Variants in BMPR1B observed in about 807,000 individuals in gnomAD.
BMPR1B encodes the protein bone morphogenetic protein receptor type-1B.
A neutral mutation model predicts 59.1 loss-of-function variants in BMPR1B; 12 were observed. The ratio of observed to expected loss-of-function variants is 0.20; its 90% confidence interval spans 0.13 to 0.33. BMPR1B has a LOEUF of 0.33. BMPR1B is among the 10% of genes least tolerant of loss of function. The pLI is 1.00. For missense variants in BMPR1B, 550 were observed against 610.9 expected (o/e 0.90, Z 1.05); for synonymous variants, 237 against 207.3 (o/e 1.14, Z -1.23).
At chr4:94,925,968 C>A (rs527973948) in intron 2 of BMPR1B, among the ~76,000 whole-genome samples, 1 of 151,394 alleles carries the variant, frequency 6.6e-6, no homozygotes, top group African/African-American at 2.4e-5. Flanking sequence ...TTCCTTCCTC[C>A]CCTCCTCCCT....
chr4:95,020,705 T>C (rs1723921805), intron 3 of BMPR1B, among the ~76,000 whole-genome samples: 1 of 152,200 alleles, frequency 6.6e-6, no homozygotes, highest in Admixed American at 6.5e-5. Context: ...TATTTTGTTA[T>C]TAGTTTTGAG....
intron 2 of BMPR1B, among the ~76,000 whole-genome samples, chr4:94,929,756 C>G (rs1382374011): frequency 6.6e-6 from 1 of 152,028 alleles, no homozygotes; most frequent in East Asian, 1.9e-4. Flanking sequence ...AGGTCTCTCT[C>G]TTATGCACCA....
intron 2 of BMPR1B, among the ~76,000 whole-genome samples, chr4:94,979,032 A>G (rs1219615734): frequency 6.6e-6 from 1 of 152,038 alleles, no homozygotes; most frequent in East Asian, 1.9e-4. Flanking sequence ...AGTGAATTCC[A>G]TGACCAATAG....
At chr4:95,144,001 A>T (rs1471298917) in intron 10 of BMPR1B, among the ~76,000 whole-genome samples, 4 of 143,536 alleles carry the variant, frequency 2.8e-5, no homozygotes, top group Non-Finnish European at 4.6e-5. Context: ...ATTTCTCCCA[A>T]TTTTTTTTTT....
chr4:94,793,301 A>G lies in BMPR1B; in HGVS notation c.-183+35233A>G, dbSNP rs1478535253. On this transcript the variant is annotated intron_variant, in intron 1 of 12. Transcript: ENST00000515059. ...TTTGTTCTTGTGATAGTTTACTGAG[A>G]ATGATGATTTCCAGTTTCATCCATG... 2.0e-5 allele frequency among the ~76,000 whole-genome samples: 3 copies of G among 151,976 alleles called. No homozygotes were observed. In the East Asian group the frequency reaches 5.8e-4, roughly 30 times the overall value.
At chr4:94,929,162 T>C (rs1027034127) in intron 2 of BMPR1B, among the ~76,000 whole-genome samples, 8 of 152,096 alleles carry the variant, frequency 5.3e-5, no homozygotes, top group African/African-American at 1.9e-4. Flanking sequence ...CCCACAGCAC[T>C]TCTCTTAATT....
chr4:95,028,417 A>G (rs1724575856), intron 3 of BMPR1B, among the ~76,000 whole-genome samples: 1 of 152,126 alleles, frequency 6.6e-6, no homozygotes, highest in Admixed American at 6.6e-5. Context: ...TGCAAGGTTC[A>G]TTATACTACC....
At chr4:94,786,532 T>G (rs1395580252) in intron 1 of BMPR1B, among the ~76,000 whole-genome samples, 1 of 152,028 alleles carries the variant, frequency 6.6e-6, no homozygotes, top group African/African-American at 2.4e-5. Context: ...AGCTAATTTT[T>G]ATTTATTTAT....
At chr4:95,046,362 TGA>T (rs1273926925) in intron 3 of BMPR1B, among the ~76,000 whole-genome samples, 1 of 152,196 alleles carries the variant, frequency 6.6e-6, no homozygotes, top group African/African-American at 2.4e-5. Context: ...GCTTTTCATG[TGA>T]GAGGCAGGAG....
intron 3 of BMPR1B, among the ~76,000 whole-genome samples, chr4:95,041,197 C>T (rs913580153): frequency 6.6e-6 from 1 of 152,118 alleles, no homozygotes; most frequent in African/African-American, 2.4e-5. Flanking sequence ...CAGTCGTGCA[C>T]CACCACACCT....
chr4:95,060,925 G>A (rs1355288619), intron 3 of BMPR1B, among the ~76,000 whole-genome samples: 1 of 152,022 alleles, frequency 6.6e-6, no homozygotes, highest in Non-Finnish European at 1.5e-5. Flanking sequence ...GTCCAGAATT[G>A]AGTTTTCCAG....
At chr4:94,841,791 A>AT (rs568229278) in intron 1 of BMPR1B, among the ~76,000 whole-genome samples, 26 of 152,138 alleles carry the variant, frequency 1.7e-4, no homozygotes, top group African/African-American at 5.8e-4. Flanking sequence ...CCCCCAGTAA[A>AT]TTTTTTCTAT....
At chr4:95,099,731 C>A (rs1203880270) in intron 3 of BMPR1B, among the ~76,000 whole-genome samples, 1 of 152,148 alleles carries the variant, frequency 6.6e-6, no homozygotes, top group African/African-American at 2.4e-5. Flanking sequence ...ACACCTATAC[C>A]TCTTTTCGTT....
intron 3 of BMPR1B, among the ~76,000 whole-genome samples, chr4:94,999,566 GTAAT>G (rs927724132): frequency 6.6e-6 from 1 of 152,062 alleles, no homozygotes; most frequent in Non-Finnish European, 1.5e-5. Context: ...TGCTGTTTAT[GTAAT>G]TAATTTGGTG....
At chr4:94,773,121 C>G (rs1009397999) in intron 1 of BMPR1B, among the ~76,000 whole-genome samples, 3 of 151,980 alleles carry the variant, frequency 2.0e-5, no homozygotes, top group Non-Finnish European at 2.9e-5. Context: ...CATCTGTTCT[C>G]TTTTTCGGAA....
At chr4:95,100,636 T>C (rs978006087) in intron 3 of BMPR1B, among the ~76,000 whole-genome samples, 1 of 152,104 alleles carries the variant, frequency 6.6e-6, no homozygotes, top group Non-Finnish European at 1.5e-5. Context: ...TTTTCTTTCC[T>C]CTGTTTTCTC....
chr4:95,092,889 G>GA (rs1730095499), intron 3 of BMPR1B, among the ~76,000 whole-genome samples: 2 of 152,202 alleles, frequency 1.3e-5, no homozygotes, highest in Middle Eastern at 3.4e-3. Flanking sequence ...GAGGCAAGTT[G>GA]AACATCTACT....
rs972738155 is a variant in BMPR1B, at chr4:94,836,976, T to G, written c.-182-38855T>G. On this transcript the variant is annotated intron_variant, in intron 1 of 12. Coordinates refer to ENST00000515059, the MANE Select transcript of BMPR1B (RefSeq NM_001203.3). ...GGATCCAGTTTCAGCTTTCTACATA[T>G]GGCTAGCCAGTTTTCCCAGCACCGT... Among the ~76,000 whole-genome samples, 43 of 143,126 alleles carry G rather than the reference T, an allele frequency of 3.0e-4. 3 individuals carry two copies. The highest frequency in any genetic ancestry group is 1.1e-3 in the African/African-American group (42 of 38,438). 93.9% of individuals were successfully genotyped at this position (143,126 alleles called of 152,430 possible).
intron 2 of BMPR1B, among the ~76,000 whole-genome samples, chr4:94,967,508 A>T (rs1044444819): frequency 1.3e-5 from 2 of 148,860 alleles, no homozygotes; most frequent in Non-Finnish European, 3.0e-5. Context: ...CTTGAGATGG[A>T]GTCTTGCTCT....
Sources: allele counts gnomAD v4.1 joint callset (sites outside exome capture counted in the v4.1 genomes callset), GRCh38; gene constraint gnomAD v4.1.1; transcripts MANE v1.5; gene names NCBI Gene and HGNC (gene_info 2026-07-23, HGNC 2026-07-21).